The following MYO10 variants were observed in gnomAD, a reference collection of about 807,000 sequenced individuals.
The protein encoded by MYO10 is myosin X, also known as unconventional myosin-X.
Under a neutral mutation model 257.3 loss-of-function variants are expected in MYO10, and 133 were observed. The ratio of observed to expected loss-of-function variants is 0.52; its 90% CI spans 0.45 to 0.60. MYO10 has a LOEUF of 0.60. MYO10 is among the 20% of genes least tolerant of loss of function. The pLI is 0.00. For missense variants in MYO10, 2,399 were observed against 2,635.7 expected (o/e 0.91, Z 1.97); for synonymous variants, 1,104 against 1,028.6 (o/e 1.07, Z -1.40).
chr5:16,781,079 A>ATT lies in MYO10; in HGVS notation c.728-340_728-339dup, dbSNP rs36090678. ...CAAATACGGTTCTTTATTTCACAGA[A>ATT]TTTTTTTTTTTTTTTTTTAACACAG... On this transcript the variant is annotated intron_variant, in intron 6 of 40. Coordinates refer to ENST00000513610, the MANE Select transcript of MYO10 (RefSeq NM_012334.3). 4.1e-3 allele frequency among the ~76,000 whole-genome samples: 596 copies of ATT among 145,466 alleles called. 6 individuals carry two copies. Among genetic ancestry groups the ATT allele is most frequent in the African/African-American group, 0.014 (559 of 39,498 alleles).
At chr5:16,689,562 C>T (rs1049006980) in intron 28 of MYO10, among the ~76,000 whole-genome samples, 7 of 151,790 alleles carry the variant, frequency 4.6e-5, no homozygotes, top group Admixed American at 1.3e-4. Context: ...ACAGTAACAG[C>T]CTGAGAGACA....
At chr5:16,754,785 TC>T in intron 19 of MYO10, 42 bp downstream of exon 19, 1 of 1,435,028 alleles carries the variant, frequency 7.0e-7, no homozygotes, top group Non-Finnish European at 9.6e-7. Context: ...GGAGGCTGTG[TC>T]CCTCGAGACA....
intron 9 of MYO10, among the ~76,000 whole-genome samples, chr5:16,773,454 A>G (rs1741116447): frequency 6.6e-6 from 1 of 152,126 alleles, no homozygotes; most frequent in South Asian, 2.1e-4. Context: ...TAACTAATAT[A>G]TAATCATTTT....
chr5:16,789,237 G>A (rs1351599707), intron 4 of MYO10, among the ~76,000 whole-genome samples: 1 of 152,208 alleles, frequency 6.6e-6, no homozygotes, highest in Admixed American at 6.5e-5. Context: ...TTGATTAGTT[G>A]CAACAGAGGT....
intron 2 of MYO10, among the ~76,000 whole-genome samples, chr5:16,843,781 T>C (rs1174426807): frequency 1.3e-5 from 2 of 152,098 alleles, no homozygotes; most frequent in African/African-American, 4.8e-5. Context: ...TTTGAAGGAA[T>C]GGAACAGGCA....
At chr5:16,724,816 A>G (rs756229448) in intron 19 of MYO10, among the ~76,000 whole-genome samples, 21 of 152,220 alleles carry the variant, frequency 1.4e-4, no homozygotes, top group Non-Finnish European at 1.2e-4. Context: ...TATACAAAAA[A>G]GCATCTGCCA....
At chr5:16,827,808 C>G (rs1425394629) in intron 2 of MYO10, among the ~76,000 whole-genome samples, 4 of 152,150 alleles carry the variant, frequency 2.6e-5, no homozygotes, top group Admixed American at 6.5e-5. Context: ...GTGCCAGCTG[C>G]ATGCATCAGA....
chr5:16,829,792 C>G (rs766876483), intron 2 of MYO10, among the ~76,000 whole-genome samples: 1 of 152,112 alleles, frequency 6.6e-6, no homozygotes. Context: ...ACCAGAAAGG[C>G]CTCGGTGATA....
chr5:16,674,757 C>T, intron 35 of MYO10, 96 bp downstream of exon 35: 2 of 1,418,480 alleles, frequency 1.4e-6, no homozygotes, highest in Admixed American at 2.0e-5. Flanking sequence ...CTAGAGGTGT[C>T]TTCTGTTCAA....
chr5:16,728,158 C>T (rs1043493530), intron 19 of MYO10, among the ~76,000 whole-genome samples: 8 of 152,334 alleles, frequency 5.3e-5, no homozygotes, highest in African/African-American at 1.9e-4. Context: ...TGCCTCCTGG[C>T]TTCCTGCCTT....
At chr5:16,924,711 A>T (rs1038465557) in intron 1 of MYO10, among the ~76,000 whole-genome samples, 1 of 152,228 alleles carries the variant, frequency 6.6e-6, no homozygotes, top group African/African-American at 2.4e-5. Flanking sequence ...TGGCAAAAAA[A>T]TAAGTAAATA....
chr5:16,775,731 T>C (rs1370861192), intron 9 of MYO10, among the ~76,000 whole-genome samples: 7 of 151,822 alleles, frequency 4.6e-5, no homozygotes, highest in Non-Finnish European at 8.8e-5. Context: ...GCCTCCTGAG[T>C]AGCTGGGACT....
intron 19 of MYO10, among the ~76,000 whole-genome samples, chr5:16,723,212 G>T (rs1006733600): frequency 2.6e-5 from 4 of 151,456 alleles, no homozygotes; most frequent in Admixed American, 6.6e-5. Context: ...GTGAAACCCC[G>T]TCTCTACTAA....
chr5:16,792,938 C>T (rs983431594), intron 4 of MYO10, among the ~76,000 whole-genome samples: 1 of 152,030 alleles, frequency 6.6e-6, no homozygotes, highest in Non-Finnish European at 1.5e-5. Flanking sequence ...CCTGAAATAA[C>T]ATAATAACTA....
chr5:16,711,319 C>CACCTCCAT (rs2126577336), intron 19 of MYO10, 74 bp from the exon 20 acceptor site: 1 of 1,461,752 alleles, frequency 6.8e-7, no homozygotes, highest in African/African-American at 1.4e-5. Context: ...TTAATAAAGC[C>CACCTCCAT]ACCTCCATCA....
chr5:16,711,565 C>G (rs1338105591), intron 19 of MYO10, among the ~76,000 whole-genome samples: 1 of 152,178 alleles, frequency 6.6e-6, no homozygotes, highest in Non-Finnish European at 1.5e-5. Flanking sequence ...GGGTGGATCA[C>G]AAGGTCAGGA....
intron 21 of MYO10, among the ~76,000 whole-genome samples, chr5:16,705,447 T>C (rs1027428436): frequency 6.6e-6 from 1 of 152,196 alleles, no homozygotes; most frequent in African/African-American, 2.4e-5. Flanking sequence ...AATTCCTAGT[T>C]TTTGAAAAGA....
chr5:16,710,137 C>A (rs3849108), intron 21 of MYO10, among the ~76,000 whole-genome samples: 3 of 152,142 alleles, frequency 2.0e-5, no homozygotes, highest in Non-Finnish European at 2.9e-5. Context: ...GCAGAAGGAG[C>A]GGGAATGAGG....
chr5:16,872,135 T>G (rs1484030067), intron 2 of MYO10, among the ~76,000 whole-genome samples: 2 of 152,216 alleles, frequency 1.3e-5, no homozygotes, highest in African/African-American at 4.8e-5. Context: ...GGGCTTCACA[T>G]GGCCCAGACT....
Sources: gnomAD v4.1 joint callset for allele counts (sites outside exome capture counted in the v4.1 genomes callset) on GRCh38, gnomAD v4.1.1 for gene constraint, MANE v1.5 for transcripts, NCBI Gene and HGNC (gene_info 2026-07-23, HGNC 2026-07-21) for gene names.